The following VRK2 variants were observed in gnomAD, a reference collection of about 807,000 sequenced individuals.
VRK2 encodes serine/threonine-protein kinase VRK2.
Under a neutral mutation model 57.6 loss-of-function variants are expected in VRK2, and 60 were observed. The observed-to-expected ratio is 1.04, with a 90% CI of 0.85 to 1.29. The LOEUF is 1.29. Ranked by LOEUF, VRK2 falls within the 50% of genes most tolerant of loss-of-function variation. The probability of loss-of-function intolerance (pLI) is 0.00; values close to 1 mark genes in which losing one functional copy is unlikely to be tolerated. For synonymous variants in VRK2, 231 were observed against 199.2 expected (o/e 1.16, Z -1.35); for missense variants, 705 against 588.1 (o/e 1.20, Z -2.06).
chr2:58,008,161 C>G (rs928601986), intron 1 of VRK2, among the ~76,000 whole-genome samples: 1 of 151,946 alleles, frequency 6.6e-6, no homozygotes, highest in African/African-American at 2.4e-5. Flanking sequence ...AACTAGAAAT[C>G]AATTACAGTA....
chr2:58,072,485 T>G (rs2103999068), intron 2 of VRK2, among the ~76,000 whole-genome samples: 1 of 152,112 alleles, frequency 6.6e-6, no homozygotes, highest in East Asian at 1.9e-4. Flanking sequence ...ATGAATTAGA[T>G]TTTGCCAAAT....
rs547680631 is a variant in VRK2 at position 58,046,994 on chromosome 2, C to T, written c.-6+126C>T. 1,918 of 984,264 alleles carry T rather than the reference C, an allele frequency of 1.9e-3. 5 individuals are homozygous for T. Among genetic ancestry groups the T allele is most frequent in the Middle Eastern group, 2.1e-3 (4 of 1,912 alleles). 61.0% of individuals were successfully genotyped at this position (984,264 alleles called of 1,614,324 possible). ...TGCCGGGGACTCCGGGCCGTCCCAG[C>T]CCCCGGGCCTCAGCTCCGGCCCGGG... is the stretch of plus-strand genomic sequence containing the variant. On this transcript the variant is annotated intron_variant, in intron 1 of 12. Coordinates refer to ENST00000340157, the MANE Select transcript of VRK2 (RefSeq NM_006296.7).
At chr2:57,938,068 G>A (rs892064469) in intron 1 of VRK2, among the ~76,000 whole-genome samples, 1 of 152,038 alleles carries the variant, frequency 6.6e-6, no homozygotes, top group Non-Finnish European at 1.5e-5. Context: ...CTGTCCTCGT[G>A]ATCCACCCAC....
chr2:57,931,162 T>C (rs1234034131), intron 1 of VRK2, among the ~76,000 whole-genome samples: 1 of 152,132 alleles, frequency 6.6e-6, no homozygotes, highest in Non-Finnish European at 1.5e-5. Context: ...TACCCAGTAA[T>C]AAGACGGCTG....
At chr2:58,098,263 AGTATG>A (rs1673450884) in intron 7 of VRK2, among the ~76,000 whole-genome samples, 1 of 152,170 alleles carries the variant, frequency 6.6e-6, no homozygotes, top group Non-Finnish European at 1.5e-5. Context: ...TAGTTTATAA[AGTATG>A]GTATGGTAAG....
intron 8 of VRK2, among the ~76,000 whole-genome samples, chr2:58,130,972 T>C (rs906280892): frequency 6.6e-6 from 1 of 152,078 alleles, no homozygotes. Flanking sequence ...CTTATAAATA[T>C]ATATAAATTA....
At chr2:58,047,012 G>A (rs1014986148) in intron 1 of VRK2, 144 bp downstream of exon 1, 1 of 977,034 alleles carries the variant, frequency 1.0e-6, no homozygotes, top group South Asian at 4.7e-5. Flanking sequence ...CCTCAGCTCC[G>A]GCCCGGGCAG....
chr2:57,918,943 G>C (rs1409223962), intron 1 of VRK2, among the ~76,000 whole-genome samples: 1 of 152,046 alleles, frequency 6.6e-6, no homozygotes, highest in Non-Finnish European at 1.5e-5. Flanking sequence ...GTCTGGTCTG[G>C]TATTGGCATG....
intron 2 of VRK2, among the ~76,000 whole-genome samples, chr2:58,063,024 A>G (rs1054615366): frequency 6.6e-6 from 1 of 152,072 alleles, no homozygotes; most frequent in Non-Finnish European, 1.5e-5. Context: ...GCTAGTGCAG[A>G]TGATGACTTT....
At chr2:58,141,330 A>T (rs987770730) in intron 11 of VRK2, among the ~76,000 whole-genome samples, 1 of 152,024 alleles carries the variant, frequency 6.6e-6, no homozygotes, top group African/African-American at 2.4e-5. Context: ...ATATCCTCTG[A>T]TATAAAATTC....
rs372329570 is a variant in VRK2 at position 58,145,999 on chromosome 2, C to G, written c.1024-317C>G. 2.6e-5 allele frequency among the ~76,000 whole-genome samples: 4 copies of G among 152,194 alleles called. No homozygotes were observed. The East Asian group carries it at 7.7e-4, about 29-fold the overall frequency. On this transcript the variant is annotated intron_variant, in intron 11 of 12. Coordinates refer to ENST00000340157, the MANE Select transcript of VRK2 (RefSeq NM_006296.7). ...AGTATTCCATGGTGTATATGTGCCA[C>G]ATTTTCTTAATCCAGTCTATCATTG...
intron 1 of VRK2, among the ~76,000 whole-genome samples, chr2:57,935,021 A>G (rs1670860131): frequency 6.6e-6 from 1 of 152,144 alleles, no homozygotes; most frequent in Non-Finnish European, 1.5e-5. Flanking sequence ...TACCTTGCTT[A>G]GGTTTCTTAA....
chr2:57,930,934 T>C (rs1398598468), intron 1 of VRK2, among the ~76,000 whole-genome samples: 1 of 152,190 alleles, frequency 6.6e-6, no homozygotes, highest in Admixed American at 6.5e-5. Context: ...TCTTCTCTTT[T>C]AAAGCTGAAT....
intron 1 of VRK2, among the ~76,000 whole-genome samples, chr2:57,964,601 A>C (rs1671856025): frequency 6.6e-6 from 1 of 152,166 alleles, no homozygotes; most frequent in South Asian, 2.1e-4. Context: ...CTGTCACTAT[A>C]GGCCAGGCGC....
chr2:58,060,681 C>T (rs1184227950), intron 2 of VRK2, among the ~76,000 whole-genome samples: 4 of 151,710 alleles, frequency 2.6e-5, no homozygotes, highest in Non-Finnish European at 5.9e-5. Context: ...GAAAGATTTC[C>T]CTTATTTACA....
At position 58,084,943 on chromosome 2, in the gene VRK2, A is replaced by C. The variant is rs761453842; in HGVS notation, c.249A>C (p.Lys83Asn). The change falls in exon 4 of 13, where the codon AAA (lysine) becomes AAC (asparagine). Residue 83 changes from lysine to asparagine, a missense_variant. Physicochemically the swap from Lys to Asn is moderately conservative, Grantham distance 94 (BLOSUM62 0). Transcript: ENST00000340157. ...ELKFYQRVAK[K>N]DCIKKWIERK... Reference sequence around the variant, plus strand: ...AATTTTATCAGAGAGTTGCAAAAAAAGACTGTAGTAAGTAAAATTAGCAAA... The same window carrying C: ...AATTTTATCAGAGAGTTGCAAAAAACGACTGTAGTAAGTAAAATTAGCAAA... The C allele has an allele frequency of 3.2e-6, 5 of 1,585,604 alleles. No individual in the cohort carries two copies. The highest frequency in any genetic ancestry group is 4.3e-6 in the Non-Finnish European group (5 of 1,166,018).
At chr2:57,929,309 G>A (rs1670643185) in intron 1 of VRK2, among the ~76,000 whole-genome samples, 1 of 152,058 alleles carries the variant, frequency 6.6e-6, no homozygotes, top group South Asian at 2.1e-4. Flanking sequence ...CTTTCCATAA[G>A]CAAAGCAGCA....
intron 1 of VRK2, among the ~76,000 whole-genome samples, chr2:57,922,253 G>A (rs746699624): frequency 4.0e-5 from 6 of 151,870 alleles, no homozygotes; most frequent in Admixed American, 1.3e-4. Context: ...GGAAAGATAC[G>A]CATTCTAAAA....
intron 7 of VRK2, among the ~76,000 whole-genome samples, chr2:58,101,121 T>G (rs1286065027): frequency 6.6e-6 from 1 of 151,716 alleles, no homozygotes; most frequent in Non-Finnish European, 1.5e-5. Context: ...ATAATTATGA[T>G]TTAGAATCCA....
Sources: gnomAD v4.1 joint callset for allele counts (sites outside exome capture counted in the v4.1 genomes callset) on GRCh38, gnomAD v4.1.1 for gene constraint, MANE v1.5 for transcripts, NCBI Gene and HGNC (gene_info 2026-07-23, HGNC 2026-07-21) for gene names.